GABRE: variants seen among roughly 807,000 people sequenced by gnomAD.
GABRE encodes the protein gamma-aminobutyric acid type A receptor subunit epsilon.
GABRE carries 20 observed loss-of-function variants against 31.0 expected under a neutral mutation model. The observed-to-expected ratio is 0.64, with a 90% CI of 0.45 to 0.94. The LOEUF is 0.94. Ranked by LOEUF, GABRE falls within the 40% of genes least tolerant of loss-of-function variation. GABRE has a pLI of 0.00. For missense variants in GABRE, 420 were observed against 410.7 expected (o/e 1.02, Z -0.20); for synonymous variants, 155 against 150.6 (o/e 1.03, Z -0.21).
intron 1 of GABRE, among the ~76,000 whole-genome samples, chrX:151,973,414 T>G (rs945309851): frequency 6.3e-5 from 7 of 111,009 alleles, no homozygotes; most frequent in Admixed American, 4.8e-4. Context: ...CTAGCACGCA[T>G]AGAAAGACAT....
At chrX:151,968,793 G>C (rs1320373044) in intron 3 of GABRE, among the ~76,000 whole-genome samples, 1 of 112,082 alleles carries the variant, frequency 8.9e-6, no homozygotes, top group Non-Finnish European at 1.9e-5. Context: ...AGACAGCAAG[G>C]CCGACATACC....
At chrX:151,962,110 C>A (rs1325940201) in intron 4 of GABRE, among the ~76,000 whole-genome samples, 28 of 111,600 alleles carry the variant, frequency 2.5e-4, no homozygotes, top group African/African-American at 9.1e-4. Flanking sequence ...CGAGTGCCCA[C>A]GTAGGATGGA....
chrX:151,958,990 C>T (rs112761881), intron 6 of GABRE: 8 of 327,501 alleles, frequency 2.4e-5, no homozygotes, highest in Middle Eastern at 4.4e-4. Context: ...ATGCCTCTCA[C>T]GACAAATGGC....
At chrX:151,971,222 G>T (rs1432794697) in intron 1 of GABRE, 2 of 462,445 alleles carry the variant, frequency 4.3e-6, no homozygotes, top group Middle Eastern at 4.1e-4. Flanking sequence ...CTCACATTCG[G>T]GTCCTTGATT....
chrX:151,972,795 T>C (rs910198172), intron 1 of GABRE: 15 of 300,394 alleles, frequency 5.0e-5, no homozygotes, highest in Admixed American at 9.4e-5. Context: ...CTGCTGACAA[T>C]GCATACCTTT....
intron 3 of GABRE, among the ~76,000 whole-genome samples, chrX:151,964,196 C>T (rs757806548): frequency 5.4e-5 from 6 of 111,477 alleles, no homozygotes; most frequent in Non-Finnish European, 7.5e-5. Context: ...GGCTAAAACT[C>T]GTATCTTTCT....
At chrX:151,966,568 C>A (rs935141923) in intron 3 of GABRE, among the ~76,000 whole-genome samples, 2 of 112,005 alleles carry the variant, frequency 1.8e-5, no homozygotes, top group African/African-American at 6.5e-5. Flanking sequence ...GGCTTCCATG[C>A]AGGCTGTCAT....
At chrX:151,959,228 TG>T (rs1280587784) in intron 6 of GABRE, 1 of 248,961 alleles carries the variant, frequency 4.0e-6, no homozygotes, top group Non-Finnish European at 7.6e-6. Context: ...CTTTAGTCTT[TG>T]TCAGAGAAAA....
intron 1 of GABRE, chrX:151,971,297 G>A (rs1187154304): frequency 1.2e-5 from 4 of 326,245 alleles, no homozygotes; most frequent in South Asian, 1.1e-4. Context: ...TATGATTTGA[G>A]CACTTCTCTG....
At chrX:151,956,418 T>C (rs1367486702) in intron 6 of GABRE, 1 of 114,800 alleles carries the variant, frequency 8.7e-6, no homozygotes, top group African/African-American at 3.2e-5. Context: ...AAACCGGCAC[T>C]AGCCTGCTCC....
intron 1 of GABRE, chrX:151,972,074 T>C: frequency 1.3e-6 from 1 of 753,557 alleles, no homozygotes. Context: ...GCAATTTGTT[T>C]CCTAAAATAA....
intron 1 of GABRE, 63 bp downstream of exon 1, chrX:151,974,507 C>T (rs900977122): frequency 1.4e-5 from 11 of 780,884 alleles, no homozygotes; most frequent in African/African-American, 2.1e-5. Flanking sequence ...CGGGAGCCGT[C>T]CCGGCTCCCG....
intron 5 of GABRE, 46 bp downstream of exon 5, chrX:151,961,236 GA>G (rs757627139): frequency 1.4e-5 from 12 of 836,302 alleles, no homozygotes; most frequent in Non-Finnish European, 1.8e-5. Flanking sequence ...GAAAAAGAAG[GA>G]GCCCAGCATG....
At chrX:151,969,594 A>G in intron 3 of GABRE, 75 bp downstream of exon 3, 1 of 1,011,634 alleles carries the variant, frequency 9.9e-7, no homozygotes, top group Non-Finnish European at 1.3e-6. Context: ...ACAGAGCAGA[A>G]AGCAGAAGTC....
intron 6 of GABRE, chrX:151,956,273 TG>T (rs1404940692): frequency 7.2e-6 from 1 of 138,764 alleles, no homozygotes; most frequent in Non-Finnish European, 1.4e-5. Context: ...GCCCTCAGAA[TG>T]TCTACTCTCA....
Position 151,970,276 on chromosome X carries a change from A to C in GABRE, c.183T>G (p.Thr61=). 1 of 1,212,033 alleles carries C rather than the reference A, an allele frequency of 8.3e-7. No individual in the cohort carries two copies. Among genetic ancestry groups the C allele is most frequent in the Non-Finnish European group, 1.1e-6 (1 of 895,632 alleles). ...SEETKSTETE[T]GSRVGKLPEA... ...CTGGCAGTTTGCCAACTCTGCTCCC[A>C]GTCTCAGTCTCAGTTGACTTTGTTT... Residue 61 remains threonine (T), a synonymous_variant, in exon 2 of 9, where the codon ACT becomes ACG. Coordinates refer to ENST00000370328, the MANE Select transcript of GABRE (RefSeq NM_004961.4).
At chrX:151,958,772 T>C in intron 6 of GABRE, 1 of 282,849 alleles carries the variant, frequency 3.5e-6, no homozygotes, top group South Asian at 3.3e-5. Flanking sequence ...AGAGCAAGGC[T>C]CCCAAGTCAA....
chrX:151,959,612 C>T (rs1224030295), intron 6 of GABRE: 2 of 502,190 alleles, frequency 4.0e-6, no homozygotes, highest in Non-Finnish European at 7.5e-6. Flanking sequence ...ACTTACCTAA[C>T]CTCTCAAGGA....
At chrX:151,960,973 C>T (rs1934349531) in intron 5 of GABRE, among the ~76,000 whole-genome samples, 1 of 111,263 alleles carries the variant, frequency 9.0e-6, no homozygotes, top group South Asian at 3.9e-4. Flanking sequence ...TCATTTTGGA[C>T]ATGTGCAGTT....
Sources: allele counts gnomAD v4.1 joint callset (sites outside exome capture counted in the v4.1 genomes callset), GRCh38; gene constraint gnomAD v4.1.1; transcripts MANE v1.5; gene names NCBI Gene and HGNC (gene_info 2026-07-23, HGNC 2026-07-21).